Variants in NKX1-1 observed in about 807,000 individuals in gnomAD.
NKX1-1 encodes NK1 transcription factor-related protein 1.
In NKX1-1, 7 loss-of-function variants were observed where a neutral mutation model predicts 1.7. That is an observed-to-expected ratio of 4.22 (90% confidence interval 2.40 to 7.92). The LOEUF is 7.92. Among genes scored for constraint, NKX1-1 ranks in the 30% most tolerant of loss-of-function variants. The pLI is 0.00. For synonymous variants in NKX1-1, 242 were observed against 85.3 expected (o/e 2.84, Z -10.13); for missense variants, 453 against 171.5 (o/e 2.64, Z -9.17).
rs761557709 is a variant in NKX1-1 at position 1,403,247 on chromosome 4, G to C, written c.1032C>G (p.Phe344Leu). ...SLTETQVKIW[F>L]QNRRTKWKKQ... is the part of the protein sequence containing the mutation. ...TCTTCCACTTGGTTCGGCGGTTCTG[G>C]AACCAGATCTTCACCTGCGTCTCGG... The change falls in exon 2 of 2, where the codon TTC (phenylalanine) becomes TTG (leucine). Residue 344 changes from phenylalanine (F) to leucine (L), a missense_variant. Coordinates refer to ENST00000422806, the MANE Select transcript of NKX1-1 (RefSeq NM_001290079.1). 3 of 737,122 alleles carry C rather than the reference G, an allele frequency of 4.1e-6. No homozygotes were observed. The Admixed American group carries it at 5.5e-5, about 14-fold the overall frequency. The allele number at this position is 737,122 out of a possible 1,614,324, so 45.7% of individuals were successfully genotyped here. A position where few individuals can be genotyped will look rare whatever the true frequency, so the allele number is the denominator to read the frequency against.
intron 1 of NKX1-1, among the ~76,000 whole-genome samples, chr4:1,405,055 C>T (rs1297717876): frequency 2.0e-5 from 3 of 152,366 alleles, no homozygotes; most frequent in South Asian, 2.1e-4. Context: ...GCTCTGAGCG[C>T]AGCCGCCGCA....
At chr4:1,404,501 T>C (rs1720718277) in intron 1 of NKX1-1, among the ~76,000 whole-genome samples, 1 of 152,196 alleles carries the variant, frequency 6.6e-6, no homozygotes, top group Non-Finnish European at 1.5e-5. Flanking sequence ...GGTAGGGCCC[T>C]GCTCGGCCTC....
intron 1 of NKX1-1, among the ~76,000 whole-genome samples, chr4:1,404,842 C>A (rs935252999): frequency 6.6e-6 from 1 of 152,204 alleles, no homozygotes; most frequent in Non-Finnish European, 1.5e-5. Flanking sequence ...GGGCGACTGG[C>A]CACCTGGCAT....
rs1014731840 is a variant in NKX1-1, at chr4:1,403,445, C to T, written c.834G>A (p.Thr278=). Residue 278 remains threonine (T), a synonymous_variant, in exon 2 of 2, where the codon ACG becomes ACA. Transcript: ENST00000422806. ...TGCGCTTCCGCTTGGGCTTCGCCGC[C>T]GTCGCCGTGCCCTGCGGGGTGGTCC... ...GAGTTPQGTA[T]AAKPKRKRTG... The T allele has an allele frequency of 4.7e-6, 3 of 636,222 alleles. No individual in the cohort carries two copies. The highest frequency in any genetic ancestry group is 1.9e-5 in the African/African-American group (1 of 52,262). The allele number at this position is 636,222 out of a possible 1,614,324, so 39.4% of individuals were successfully genotyped here.
chr4:1,403,824 G>A lies in NKX1-1; in HGVS notation c.464-9C>T. On this transcript the variant is annotated splice_polypyrimidine_tract_variant and intron_variant, in intron 1 of 1. Coordinates refer to ENST00000422806, the MANE Select transcript of NKX1-1 (RefSeq NM_001290079.1). ...GAAGGGGTCGCCGGCGTCTGCGGGA[G>A]GGAGGGACAAGGACAGGGCAGGGCA... is the stretch of plus-strand genomic sequence containing the variant. 1.5e-6 allele frequency: 1 copy of A among 657,624 alleles called. No individual in the cohort carries two copies. Among genetic ancestry groups the A allele is most frequent in the Non-Finnish European group, 2.7e-6 (1 of 364,444 alleles). The allele number at this position is 657,624 out of a possible 1,614,324, so 40.7% of individuals were successfully genotyped here.
At position 1,404,697 on chromosome 4, in the gene NKX1-1, G is replaced by A. The variant is rs1196382109; in HGVS notation, c.464-882C>T. ...AGGGTCGCCTATGCCCCGGCACTGGGGGCCTAAGTCAGGAGGAGTCGGGGC... is the reference window on the plus strand; with the variant it reads ...AGGGTCGCCTATGCCCCGGCACTGGAGGCCTAAGTCAGGAGGAGTCGGGGC... On this transcript the variant is annotated intron_variant, in intron 1 of 1. Coordinates refer to ENST00000422806, the MANE Select transcript of NKX1-1 (RefSeq NM_001290079.1). 2.0e-5 allele frequency among the ~76,000 whole-genome samples: 3 copies of A among 152,394 alleles called. No individual in the cohort carries two copies. In the East Asian group the frequency reaches 5.8e-4, roughly 29 times the overall value.
At chr4:1,403,848 C>A in intron 1 of NKX1-1, 33 bp from the exon 2 acceptor site, 2 of 603,212 alleles carry the variant, frequency 3.3e-6, no homozygotes, top group South Asian at 1.8e-5. Context: ...CAGGGCAGGG[C>A]AGTTAGGACC....
At chr4:1,405,381 G>A (rs1384526937) in intron 1 of NKX1-1, among the ~76,000 whole-genome samples, 2 of 152,242 alleles carry the variant, frequency 1.3e-5, no homozygotes, top group Admixed American at 1.3e-4. Flanking sequence ...TGTTCGGGGG[G>A]AGTTTGCAAG....
At chr4:1,404,715 G>C (rs550011003) in intron 1 of NKX1-1, among the ~76,000 whole-genome samples, 35 of 152,376 alleles carry the variant, frequency 2.3e-4, no homozygotes, top group Non-Finnish European at 1.5e-5. Context: ...GTCAGGAGGA[G>C]TCGGGGCAGG....
rs1221464919 is a variant in NKX1-1 at position 1,406,100 on chromosome 4, C to T, written c.343G>A (p.Ala115Thr). 3 of 565,172 alleles carry T rather than the reference C, an allele frequency of 5.3e-6. No individual in the cohort carries two copies. The highest frequency in any genetic ancestry group is 9.4e-6 in the Non-Finnish European group (3 of 318,938). The allele number at this position is 565,172 out of a possible 1,614,324, so 35.0% of individuals were successfully genotyped here. A position where few individuals can be genotyped will look rare whatever the true frequency, so the allele number is the denominator to read the frequency against. ...GGTGCAGGGGCGCATGGGGCCGAAG[C>T]GCAAGGGGCGCACGCAGCGGGAGCC... ...PVAPAACAPC[A>T]SAPCAPAPAA... is the part of the protein sequence containing the mutation. The change falls in exon 1 of 2, where the codon GCT (alanine) becomes ACT (threonine). Residue 115 changes from alanine (A) to threonine (T), a missense_variant. Physicochemically the swap from Ala to Thr is moderately conservative, Grantham distance 58. Coordinates refer to ENST00000422806, the MANE Select transcript of NKX1-1 (RefSeq NM_001290079.1).
chr4:1,405,100 G>C (rs556854760), intron 1 of NKX1-1, among the ~76,000 whole-genome samples: 2 of 152,316 alleles, frequency 1.3e-5, no homozygotes, highest in South Asian at 4.1e-4. Flanking sequence ...AGCCGGATTT[G>C]TTCGCCCTCC....
chr4:1,406,170 G>T lies in NKX1-1; in HGVS notation c.273C>A (p.Asn91Lys). The change falls in exon 1 of 2, where the codon AAC becomes AAA. Residue 91 changes from asparagine (N) to lysine (K), a missense_variant. Physicochemically the swap from Asn to Lys is moderately conservative, Grantham distance 94 (BLOSUM62 0). Coordinates refer to ENST00000422806, the MANE Select transcript of NKX1-1 (RefSeq NM_001290079.1). ...SFSVLDILDP[N>K]KFNSRRRRCV... ...AACGACGCCTCCTGCTGTTGAACTT[G>T]TTGGGGTCCAGGATGTCCAGTACCG... 1.6e-6 allele frequency: 1 copy of T among 620,466 alleles called. No homozygotes were observed. The highest frequency in any genetic ancestry group is 2.9e-6 in the Non-Finnish European group (1 of 345,854). The allele number at this position is 620,466 out of a possible 1,614,324, so 38.4% of individuals were successfully genotyped here. A position where few individuals can be genotyped will look rare whatever the true frequency, so the allele number is the denominator to read the frequency against.
At position 1,402,956 on chromosome 4, in the gene NKX1-1, G is replaced by C; in HGVS notation, c.1323C>G (p.Pro441=). 1.5e-6 allele frequency: 1 copy of C among 666,446 alleles called. No homozygotes were observed. Among genetic ancestry groups the C allele is most frequent in the Non-Finnish European group, 2.7e-6 (1 of 370,190 alleles). 41.3% of individuals were successfully genotyped at this position (666,446 alleles called of 1,614,324 possible). Residue 441 remains proline, a synonymous_variant, in exon 2 of 2, where the codon CCC becomes CCG. Coordinates refer to ENST00000422806, the MANE Select transcript of NKX1-1 (RefSeq NM_001290079.1). ...FVLGSQTYGA[P]AFYAPHL ...CTCAGAGGTGCGGCGCGTAGAAGGC[G>C]GGCGCCCCGTAGGTCTGCGAGCCCA...
chr4:1,404,541 G>A (rs911063621), intron 1 of NKX1-1, among the ~76,000 whole-genome samples: 2 of 152,244 alleles, frequency 1.3e-5, no homozygotes, highest in South Asian at 2.1e-4. Context: ...CGTGCAGGTC[G>A]GAGTGGCTCC....
Position 1,403,673 on chromosome 4 carries a change from G to C in NKX1-1, c.606C>G (p.Pro202=), listed in dbSNP as rs759019701. ...CCGCGCCTCGCGCCGCCTCCGTCTC[G>C]GGCGCTTCGTCCTCGTCGTCGTCCT... ...DDEDDDEDEA[P]ETEAARGAEE... The change falls in exon 2 of 2, where the codon CCC becomes CCG. Residue 202 remains proline (P), a synonymous_variant. Coordinates refer to ENST00000422806, the MANE Select transcript of NKX1-1 (RefSeq NM_001290079.1). 2.6e-5 allele frequency: 17 copies of C among 666,412 alleles called. No homozygotes were observed. Among genetic ancestry groups the C allele is most frequent in the Non-Finnish European group, 3.5e-5 (13 of 372,786 alleles). The allele number at this position is 666,412 out of a possible 1,614,324, so 41.3% of individuals were successfully genotyped here.
intron 1 of NKX1-1, among the ~76,000 whole-genome samples, chr4:1,405,342 T>C (rs955708780): frequency 3.9e-5 from 6 of 152,134 alleles, no homozygotes; most frequent in African/African-American, 1.4e-4. Context: ...AATCGAGTAA[T>C]TATCCGAATT....
chr4:1,403,917 C>A lies in NKX1-1; in HGVS notation c.464-102G>T, dbSNP rs188035909. On this transcript the variant is annotated intron_variant, in intron 1 of 1. Coordinates refer to ENST00000422806, the MANE Select transcript of NKX1-1 (RefSeq NM_001290079.1). ...CGCTTCCTCCCCCAGGGTTCCCTCC[C>A]GCCCCCTGCTCAGCGCCTCCTGCTT... 1.0e-5 allele frequency: 5 copies of A among 499,592 alleles called. No individual in the cohort carries two copies. The African/African-American group carries it at 1.0e-4, about 10-fold the overall frequency. The allele number at this position is 499,592 out of a possible 1,614,324, so 30.9% of individuals were successfully genotyped here.
At chr4:1,404,487 C>G (rs1720717940) in intron 1 of NKX1-1, among the ~76,000 whole-genome samples, 2 of 152,196 alleles carry the variant, frequency 1.3e-5, no homozygotes, top group African/African-American at 4.8e-5. Context: ...GCAGAGTTGC[C>G]GCGGGTAGGG....
In NKX1-1 at chr4:1,405,686, C is replaced by G. The variant is rs113357746; in HGVS notation, c.463+294G>C. ...AGCGGCCCCTCGCCTCCTGCACCAA[C>G]TACCCTTCTAGGCCGGAGACGCGCG... On this transcript the variant is annotated intron_variant, in intron 1 of 1. Transcript: ENST00000422806. 3.3e-3 allele frequency among the ~76,000 whole-genome samples: 504 copies of G among 152,254 alleles called. 3 individuals carry two copies. Among genetic ancestry groups the G allele is most frequent in the South Asian group, 0.016 (77 of 4,824 alleles).
Sources: gnomAD v4.1 joint callset for allele counts (sites outside exome capture counted in the v4.1 genomes callset) on GRCh38, gnomAD v4.1.1 for gene constraint, MANE v1.5 for transcripts, NCBI Gene and HGNC (gene_info 2026-07-23, HGNC 2026-07-21) for gene names.